Variants in FAF1 observed in about 807,000 individuals in gnomAD.
FAF1 encodes the protein Fas associated factor 1.
A neutral mutation model predicts 92.5 loss-of-function variants in FAF1; 25 were observed. The ratio of observed to expected loss-of-function variants is 0.27; its 90% CI spans 0.20 to 0.38. The LOEUF (loss-of-function observed/expected upper bound fraction) is 0.38, where lower values mean the gene tolerates loss of function less well. FAF1 is among the 10% of genes least tolerant of loss of function. FAF1 has a pLI of 1.00. For synonymous variants in FAF1, 234 were observed against 273.2 expected, an observed-to-expected ratio of 0.86 and a Z score of 1.42; for missense variants, 636 against 793.3, an observed-to-expected ratio of 0.80 and a Z score of 2.38.
intron 17 of FAF1, among the ~76,000 whole-genome samples, chr1:50,485,108 AAAAAG>A (rs989307050): frequency 7.9e-5 from 12 of 151,922 alleles, no homozygotes; most frequent in Non-Finnish European, 1.2e-4. Context: ...GTATAATAAA[AAAAAG>A]AAATTATTAT....
At chr1:50,478,110 T>C (rs1416823862) in intron 17 of FAF1, among the ~76,000 whole-genome samples, 6 of 152,174 alleles carry the variant, frequency 3.9e-5, no homozygotes, top group Non-Finnish European at 7.4e-5. Flanking sequence ...ATTAGAGTTA[T>C]ATACATTTTC....
intron 15 of FAF1, among the ~76,000 whole-genome samples, chr1:50,492,430 A>C (rs1646850768): frequency 6.6e-6 from 1 of 152,208 alleles, no homozygotes; most frequent in Non-Finnish European, 1.5e-5. Context: ...AAAGTTATCT[A>C]AGTTGAAAAT....
chr1:50,467,989 A>T (rs1049084536), intron 18 of FAF1, among the ~76,000 whole-genome samples: 10 of 152,174 alleles, frequency 6.6e-5, no homozygotes, highest in African/African-American at 2.4e-4. Context: ...TAGGCAGATC[A>T]TCTGAGCCCA....
chr1:50,769,431 C>T (rs924757753), intron 4 of FAF1, among the ~76,000 whole-genome samples: 18 of 152,180 alleles, frequency 1.2e-4, no homozygotes, highest in Non-Finnish European at 2.4e-4. Flanking sequence ...AGACTCCTCC[C>T]TAACTCATTT....
chr1:50,808,174 A>G (rs756102640), intron 2 of FAF1, among the ~76,000 whole-genome samples: 2 of 152,190 alleles, frequency 1.3e-5, no homozygotes, highest in South Asian at 2.1e-4. Context: ...CTTCATAAGA[A>G]AAGGATAAAT....
At chr1:50,786,268 T>C (rs771473687) in intron 4 of FAF1, among the ~76,000 whole-genome samples, 5 of 152,236 alleles carry the variant, frequency 3.3e-5, no homozygotes, top group African/African-American at 4.8e-5. Context: ...TGGAATATTA[T>C]TCAGTTTTTA....
At chr1:50,717,547 T>C (rs1286200064) in intron 6 of FAF1, among the ~76,000 whole-genome samples, 1 of 152,200 alleles carries the variant, frequency 6.6e-6, no homozygotes, top group Non-Finnish European at 1.5e-5. Context: ...TAAAGGCTTT[T>C]AGGGCCTCTG....
intron 2 of FAF1, among the ~76,000 whole-genome samples, chr1:50,825,105 T>C (rs1047855375): frequency 2.6e-5 from 4 of 152,072 alleles, no homozygotes; most frequent in African/African-American, 9.7e-5. Context: ...AGAGAAGATT[T>C]GGAATGCTCC....
At position 50,492,138 on chromosome 1, in the gene FAF1, A is replaced by G. The variant is rs370213986; in HGVS notation, c.1495-337T>C. On this transcript the variant is annotated intron_variant, in intron 15 of 18. Transcript: ENST00000396153. ...AATTAAGTGCAATAATATACAAACT[A>G]TCTAGCAAAGGACCTGGCACTTAGT... Among the ~76,000 whole-genome samples, 26 of 152,316 alleles carry G rather than the reference A, an allele frequency of 1.7e-4. No individual in the cohort carries two copies. The South Asian group carries it at 4.4e-3, about 26-fold the overall frequency.
intron 4 of FAF1, among the ~76,000 whole-genome samples, chr1:50,761,059 C>G (rs1315392984): frequency 6.6e-6 from 1 of 152,174 alleles, no homozygotes; most frequent in Non-Finnish European, 1.5e-5. Flanking sequence ...ACTACAAACA[C>G]CTCTGTGCAA....
At chr1:50,888,528 TTATTA>T (rs1290212530) in intron 1 of FAF1, among the ~76,000 whole-genome samples, 2 of 152,228 alleles carry the variant, frequency 1.3e-5, no homozygotes, top group African/African-American at 4.8e-5. Context: ...TAAACAGCTC[TTATTA>T]TATTGAGATA....
chr1:50,659,240 A>T (rs1655264563), intron 7 of FAF1, among the ~76,000 whole-genome samples: 1 of 151,810 alleles, frequency 6.6e-6, no homozygotes, highest in South Asian at 2.1e-4. Flanking sequence ...TATGAGGAAG[A>T]AAGAGGGAGG....
intron 3 of FAF1, among the ~76,000 whole-genome samples, chr1:50,793,116 A>G (rs1371198755): frequency 6.6e-6 from 1 of 152,192 alleles, no homozygotes; most frequent in Non-Finnish European, 1.5e-5. Context: ...CAGACTTGGT[A>G]GCCTAAATCC....
intron 8 of FAF1, among the ~76,000 whole-genome samples, chr1:50,604,979 C>T (rs1029490577): frequency 2.6e-5 from 4 of 152,084 alleles, no homozygotes; most frequent in African/African-American, 7.2e-5. Context: ...TTCATTTAAT[C>T]TGGTGGGACT....
At chr1:50,727,540 C>CA (rs1289300028) in intron 6 of FAF1, among the ~76,000 whole-genome samples, 1 of 152,138 alleles carries the variant, frequency 6.6e-6, no homozygotes, top group Non-Finnish European at 1.5e-5. Flanking sequence ...CAGTGAACAA[C>CA]AAAAAATCCC....
intron 8 of FAF1, among the ~76,000 whole-genome samples, chr1:50,629,323 C>A (rs1024124384): frequency 2.6e-5 from 4 of 152,230 alleles, no homozygotes; most frequent in Admixed American, 2.0e-4. Context: ...GTGCATGGCA[C>A]CACGCCCAGC....
At chr1:50,642,072 G>A (rs1399176606) in intron 8 of FAF1, among the ~76,000 whole-genome samples, 1 of 151,492 alleles carries the variant, frequency 6.6e-6, no homozygotes, top group Non-Finnish European at 1.5e-5. Context: ...GCATGGTGGC[G>A]GGTGCCCGTA....
At chr1:50,730,005 G>A (rs1658851182) in intron 6 of FAF1, among the ~76,000 whole-genome samples, 1 of 152,072 alleles carries the variant, frequency 6.6e-6, no homozygotes, top group Admixed American at 6.5e-5. Flanking sequence ...TGGTGACAGA[G>A]AGAGACTCCT....
Position 50,448,146 on chromosome 1 carries a change from T to C in FAF1, c.1870-6623A>G, listed in dbSNP as rs572491043. 3.9e-5 allele frequency among the ~76,000 whole-genome samples: 6 copies of C among 152,310 alleles called. No individual in the cohort carries two copies. The South Asian group carries it at 1.2e-3, about 32-fold the overall frequency. ...TTCTCCACTGGGTGAAAGGTTATTATAGGGATTGAAATAGCCATCAAGGGC... is the reference window on the plus strand; with the variant it reads ...TTCTCCACTGGGTGAAAGGTTATTACAGGGATTGAAATAGCCATCAAGGGC... On this transcript the variant is annotated intron_variant, in intron 18 of 18. Transcript: ENST00000396153.
Sources: allele counts gnomAD v4.1 joint callset (sites outside exome capture counted in the v4.1 genomes callset), GRCh38; gene constraint gnomAD v4.1.1; transcripts MANE v1.5; gene names NCBI Gene and HGNC (gene_info 2026-07-23, HGNC 2026-07-21).